The following FAM135B variants were observed in gnomAD, a reference collection of about 807,000 sequenced individuals.
The protein encoded by FAM135B is family with sequence similarity 135 member B.
FAM135B carries 43 observed loss-of-function variants against 127.7 expected under a neutral mutation model. The ratio of observed to expected loss-of-function variants is 0.34; its 90% CI spans 0.26 to 0.43. FAM135B has a LOEUF of 0.43. FAM135B is among the 20% of genes least tolerant of loss of function. FAM135B has a pLI of 1.00. For missense variants in FAM135B, 1,558 were observed against 1,725.6 expected (o/e 0.90, Z 1.72); for synonymous variants, 670 against 665.1 (o/e 1.01, Z -0.11).
intron 17 of FAM135B, among the ~76,000 whole-genome samples, chr8:138,140,471 G>C (rs1211444727): frequency 6.6e-6 from 1 of 152,288 alleles, no homozygotes; most frequent in East Asian, 1.9e-4. Context: ...ACCAAACCAT[G>C]TCACCTCCTC....
intron 7 of FAM135B, among the ~76,000 whole-genome samples, chr8:138,237,037 T>A (rs1820332831): frequency 1.3e-5 from 2 of 152,022 alleles, no homozygotes; most frequent in Non-Finnish European, 2.9e-5. Flanking sequence ...CAGGCTGCCA[T>A]TCCTCCGTCG....
intron 1 of FAM135B, among the ~76,000 whole-genome samples, chr8:138,408,504 C>T (rs1435364039): frequency 6.6e-6 from 1 of 152,172 alleles, no homozygotes; most frequent in African/African-American, 2.4e-5. Flanking sequence ...GGGCCTTGCT[C>T]TGGATTTTGC....
chr8:138,468,258 G>C (rs1291782882), intron 1 of FAM135B, among the ~76,000 whole-genome samples: 1 of 152,118 alleles, frequency 6.6e-6, no homozygotes, highest in African/African-American at 2.4e-5. Context: ...TCCTTACCTA[G>C]TAATGGAACA....
chr8:138,140,009 T>G (rs1816991877), intron 17 of FAM135B, among the ~76,000 whole-genome samples: 1 of 152,230 alleles, frequency 6.6e-6, no homozygotes, highest in Admixed American at 6.5e-5. Context: ...GAGATATTAT[T>G]GGTAAAGTCT....
At chr8:138,237,264 G>A (rs893892254) in intron 7 of FAM135B, among the ~76,000 whole-genome samples, 6 of 150,518 alleles carry the variant, frequency 4.0e-5, no homozygotes, top group Admixed American at 2.0e-4. Flanking sequence ...GGGTTCAAGT[G>A]ATTCTTCTGC....
chr8:138,295,381 G>T (rs1825411516), intron 3 of FAM135B, among the ~76,000 whole-genome samples: 1 of 152,062 alleles, frequency 6.6e-6, no homozygotes, highest in Admixed American at 6.5e-5. Context: ...GAATATGGGT[G>T]CCGGCCTTGA....
intron 16 of FAM135B, among the ~76,000 whole-genome samples, chr8:138,142,310 T>A: frequency 7.4e-6 from 1 of 134,668 alleles, no homozygotes; most frequent in Non-Finnish European, 1.6e-5. Context: ...TTTTTTTTTT[T>A]TTTTTTTTGA....
At chr8:138,367,543 C>T (rs1830825188) in intron 2 of FAM135B, 1 of 433,332 alleles carries the variant, frequency 2.3e-6, no homozygotes, top group Admixed American at 2.8e-5. Flanking sequence ...GCATCAGCAT[C>T]AGTATTGAAC....
At chr8:138,407,390 T>C (rs199626759) in intron 1 of FAM135B, among the ~76,000 whole-genome samples, 3 of 152,118 alleles carry the variant, frequency 2.0e-5, no homozygotes, top group African/African-American at 7.2e-5. Context: ...CTTTCTTCAC[T>C]GAATTGGAAA....
chr8:138,413,611 A>G (rs1394289139), intron 1 of FAM135B, among the ~76,000 whole-genome samples: 1 of 152,254 alleles, frequency 6.6e-6, no homozygotes, highest in Non-Finnish European at 1.5e-5. Flanking sequence ...GAATGAATGA[A>G]TAAATCCAAT....
chr8:138,157,960 T>C (rs1351197504), intron 12 of FAM135B, among the ~76,000 whole-genome samples: 2 of 152,166 alleles, frequency 1.3e-5, no homozygotes, highest in Non-Finnish European at 2.9e-5. Context: ...TTAAAGTTCA[T>C]AGGGAACCAA....
At chr8:138,175,618 A>C (rs909216157) in intron 11 of FAM135B, among the ~76,000 whole-genome samples, 5 of 152,240 alleles carry the variant, frequency 3.3e-5, no homozygotes, top group African/African-American at 1.2e-4. Flanking sequence ...CCATTGTGAA[A>C]ACATTTGCAC....
At chr8:138,335,760 T>C (rs143571549) in intron 2 of FAM135B, among the ~76,000 whole-genome samples, 29,438 of 152,092 alleles carry the variant, frequency 0.19, 3,119 homozygotes, top group East Asian at 0.37. Context: ...GCAGACCTAA[T>C]AGACATCTAC....
At chr8:138,458,300 T>A (rs1234078324) in intron 1 of FAM135B, among the ~76,000 whole-genome samples, 2 of 152,236 alleles carry the variant, frequency 1.3e-5, no homozygotes, top group African/African-American at 4.8e-5. Flanking sequence ...ACAGTGGTGA[T>A]CTGTCATGTC....
intron 7 of FAM135B, among the ~76,000 whole-genome samples, chr8:138,217,422 T>C (rs878961743): frequency 6.9e-6 from 1 of 145,976 alleles, no homozygotes; most frequent in Admixed American, 7.4e-5. Context: ...ATTTGTTCTC[T>C]GATATATTTC....
At chr8:138,405,369 C>T in intron 1 of FAM135B, among the ~76,000 whole-genome samples, 1 of 116,920 alleles carries the variant, frequency 8.6e-6, no homozygotes, top group Non-Finnish European at 1.7e-5. Flanking sequence ...ATCCCTCCCC[C>T]CACCCCACAA....
At chr8:138,318,115 C>T (rs1207150158) in intron 2 of FAM135B, among the ~76,000 whole-genome samples, 1 of 152,212 alleles carries the variant, frequency 6.6e-6, no homozygotes, top group African/African-American at 2.4e-5. Flanking sequence ...ATGGCCACAA[C>T]GTTAGCAATA....
At chr8:138,235,271 T>C (rs1743788971) in intron 7 of FAM135B, among the ~76,000 whole-genome samples, 1 of 151,984 alleles carries the variant, frequency 6.6e-6, no homozygotes, top group Admixed American at 6.6e-5. Context: ...GAAATGAAGA[T>C]GCTACACCAG....
chr8:138,364,219 A>T (rs1830606345), intron 2 of FAM135B, among the ~76,000 whole-genome samples: 1 of 152,182 alleles, frequency 6.6e-6, no homozygotes, highest in South Asian at 2.1e-4. Context: ...GGAGAAAAAT[A>T]CTTAGCACTT....
Sources: gnomAD v4.1 joint callset for allele counts (sites outside exome capture counted in the v4.1 genomes callset) on GRCh38, gnomAD v4.1.1 for gene constraint, MANE v1.5 for transcripts, NCBI Gene and HGNC (gene_info 2026-07-23, HGNC 2026-07-21) for gene names.